CUBN: variants seen among roughly 807,000 people sequenced by gnomAD.
CUBN encodes the protein 460 kDa receptor.
In CUBN, 282 loss-of-function variants were observed where a neutral mutation model predicts 405.3. That is an observed-to-expected ratio of 0.70 (90% CI 0.63 to 0.77). The LOEUF (loss-of-function observed/expected upper bound fraction) is 0.77. Among genes scored for constraint, CUBN ranks in the 30% least tolerant of loss-of-function variants. The pLI is 0.00. For missense variants in CUBN, 4,514 were observed against 4,475.2 expected, an observed-to-expected ratio of 1.01 and a Z score of -0.25; for synonymous variants, 1,684 against 1,617.0, an observed-to-expected ratio of 1.04 and a Z score of -0.99.
intron 59 of CUBN, among the ~76,000 whole-genome samples, chr10:16,862,160 T>TCTCTCACACACACACACACA (rs144560387): frequency 2.4e-4 from 32 of 131,204 alleles, no homozygotes; most frequent in African/African-American, 1.0e-3. Flanking sequence ...TCTCTCTCTC[T>TCTCTCACACACACACACACA]CACACACACA....
intron 56 of CUBN, among the ~76,000 whole-genome samples, chr10:16,883,030 AAAGGAAGGAAGGAAAAAG>A (rs1025376091): frequency 4.0e-5 from 6 of 151,412 alleles, no homozygotes; most frequent in African/African-American, 7.3e-5. Context: ...AAAAGAAAAG[AAAGGAAGGAAGGAAAAAG>A]AAGGAAGGAA....
chr10:16,993,322 A>C (rs145747056), intron 28 of CUBN, among the ~76,000 whole-genome samples: 33 of 152,310 alleles, frequency 2.2e-4, no homozygotes, highest in African/African-American at 7.7e-4. Flanking sequence ...AATCTGATTC[A>C]ATTTTTTTAT....
At chr10:17,075,647 A>G (rs1291823016) in intron 17 of CUBN, among the ~76,000 whole-genome samples, 1 of 152,218 alleles carries the variant, frequency 6.6e-6, no homozygotes, top group East Asian at 1.9e-4. Flanking sequence ...GATTAAATAA[A>G]TAATGATTCA....
intron 43 of CUBN, among the ~76,000 whole-genome samples, chr10:16,920,959 G>A (rs1842016524): frequency 6.6e-6 from 1 of 152,074 alleles, no homozygotes; most frequent in Admixed American, 6.5e-5. Flanking sequence ...ACTCTAAATT[G>A]CAAATCCCTT....
chr10:16,908,651 T>C (rs1841627311), intron 48 of CUBN, among the ~76,000 whole-genome samples: 2 of 152,202 alleles, frequency 1.3e-5, no homozygotes, highest in South Asian at 4.1e-4. Flanking sequence ...TCGCAAACTA[T>C]TCTTCCAATG....
At chr10:16,948,686 C>T (rs1183964933) in intron 34 of CUBN, 80 bp from the exon 35 acceptor site, 4 of 1,568,012 alleles carry the variant, frequency 2.6e-6, no homozygotes, top group Admixed American at 1.8e-5. Context: ...CATCTTTACT[C>T]GAATTACAAG....
At chr10:16,855,020 C>T (rs1460092239) in intron 59 of CUBN, among the ~76,000 whole-genome samples, 2 of 132,150 alleles carry the variant, frequency 1.5e-5, no homozygotes, top group African/African-American at 6.3e-5. Context: ...CTCTCTTTCT[C>T]TCTCTCTCTT....
intron 65 of CUBN, among the ~76,000 whole-genome samples, chr10:16,830,858 G>A (rs1382071955): frequency 3.9e-5 from 6 of 152,148 alleles, no homozygotes; most frequent in Non-Finnish European, 7.3e-5. Flanking sequence ...CACTTTGGGA[G>A]GTTGGATCAC....
At chr10:16,993,669 T>C (rs921805224) in intron 28 of CUBN, among the ~76,000 whole-genome samples, 1 of 143,638 alleles carries the variant, frequency 7.0e-6, no homozygotes, top group African/African-American at 2.5e-5. Flanking sequence ...TTTTCTTTTC[T>C]TTTTTTTTTT....
chr10:16,843,059 ATTGT>A (rs1221432490), intron 60 of CUBN, among the ~76,000 whole-genome samples: 2 of 152,184 alleles, frequency 1.3e-5, no homozygotes, highest in South Asian at 4.2e-4. Flanking sequence ...GATCTTATTT[ATTGT>A]TTATTTACTT....
At chr10:16,848,808 C>T (rs146131174) in intron 60 of CUBN, among the ~76,000 whole-genome samples, 1 of 144,086 alleles carries the variant, frequency 6.9e-6, no homozygotes, top group Non-Finnish European at 1.5e-5. Context: ...TTCAGGGGAT[C>T]CTTCCACCTC....
At chr10:17,085,528 A>G (rs1211178113) in intron 16 of CUBN, 69 bp downstream of exon 16, 1 of 1,427,938 alleles carries the variant, frequency 7.0e-7, no homozygotes. Context: ...ACATTAAAAT[A>G]TAAAACAGAT....
At chr10:16,932,108 T>G (rs1339928367) in intron 40 of CUBN, among the ~76,000 whole-genome samples, 1 of 152,152 alleles carries the variant, frequency 6.6e-6, no homozygotes, top group Non-Finnish European at 1.5e-5. Context: ...GTGTCATGCT[T>G]TGACATCTCA....
intron 64 of CUBN, among the ~76,000 whole-genome samples, chr10:16,834,330 C>A (rs1471205912): frequency 6.6e-6 from 1 of 152,062 alleles, no homozygotes; most frequent in Non-Finnish European, 1.5e-5. Flanking sequence ...GTTTCAGGCC[C>A]ACGAGGCGCA....
At chr10:17,060,627 A>G (rs1438669196) in intron 22 of CUBN, among the ~76,000 whole-genome samples, 4 of 152,240 alleles carry the variant, frequency 2.6e-5, no homozygotes, top group Non-Finnish European at 5.9e-5. Context: ...AAGAAAGTAA[A>G]TCTTTAAAAG....
chr10:17,018,888 T>A (rs1298761109), intron 28 of CUBN, among the ~76,000 whole-genome samples: 1 of 151,544 alleles, frequency 6.6e-6, no homozygotes, highest in Non-Finnish European at 1.5e-5. Context: ...CACAGAGCGC[T>A]GATTGGTGCA....
intron 26 of CUBN, 32 bp from the exon 27 acceptor site, chr10:17,041,252 A>C: frequency 3.2e-6 from 5 of 1,558,364 alleles, no homozygotes; most frequent in Non-Finnish European, 4.4e-6. Flanking sequence ...AAGAACCACT[A>C]TTATATACTT....
rs767796430 is a variant in CUBN, at chr10:17,071,896, T to C, written c.2377A>G (p.Ser793Gly). Residue 793 changes from serine (S) to glycine (G), a missense_variant, in exon 18 of 67, where the codon AGT (serine) becomes GGT (glycine). By Grantham distance (56) the Ser-to-Gly change is moderately conservative (BLOSUM62 0). Around this residue, in one of 5 missense-constraint regions of CUBN, gnomAD observed 1,448 missense variants for 1,388.0 expected, o/e 1.04. Transcript: ENST00000377833. ...TCTATTTTAAACCTGATCCAGACAC[T>C]ATTAGTAATGGATTTAATGTGAGAG... ...TISHIKSITN[S>G]VWIRFKIDAS... 1.9e-6 allele frequency: 3 copies of C among 1,612,688 alleles called. No individual in the cohort carries two copies. Among genetic ancestry groups the C allele is most frequent in the Non-Finnish European group, 2.5e-6 (3 of 1,179,184 alleles).
chr10:16,968,475 A>G (rs1249990533), intron 31 of CUBN, among the ~76,000 whole-genome samples: 1 of 152,178 alleles, frequency 6.6e-6, no homozygotes, highest in Non-Finnish European at 1.5e-5. Context: ...TCCAAATGAG[A>G]GGCAGGACCT....
Sources: gnomAD v4.1 joint callset for allele counts (sites outside exome capture counted in the v4.1 genomes callset) on GRCh38, gnomAD v4.1.1 for gene constraint, gnomAD v4.1.1 regional missense constraint, MANE v1.5 for transcripts, NCBI Gene and HGNC (gene_info 2026-07-23, HGNC 2026-07-21) for gene names.